The following IFT88 variants were observed in gnomAD, a reference collection of about 807,000 sequenced individuals.
IFT88 encodes the protein intraflagellar transport protein 88 homolog.
Under a neutral mutation model 119.5 loss-of-function variants are expected in IFT88, and 74 were observed. The observed-to-expected ratio is 0.62, with a 90% CI of 0.51 to 0.75. The LOEUF is 0.75. IFT88 is among the 30% of genes least tolerant of loss of function. The pLI is 0.00. For synonymous variants in IFT88, 279 were observed against 316.7 expected, an observed-to-expected ratio of 0.88 and a Z score of 1.26; for missense variants, 961 against 977.7, an observed-to-expected ratio of 0.98 and a Z score of 0.23.
At position 20,649,828 on chromosome 13, in the gene IFT88, G is replaced by A. The variant is rs561327046; in HGVS notation, c.1950-4048G>A. On this transcript the variant is annotated intron_variant, in intron 20 of 25. Coordinates refer to ENST00000351808, the MANE Select transcript of IFT88 (RefSeq NM_006531.5). ...GTAGAGGCCTCACTACCAATTTTAC[G>A]TAAATAAAAAGTTATAAGAAAACAA... Among the ~76,000 whole-genome samples the A allele has an allele frequency of 1.2e-4, 18 of 152,102 alleles. No individual in the cohort carries two copies. The South Asian group carries it at 3.3e-3, about 28-fold the overall frequency.
intron 24 of IFT88, among the ~76,000 whole-genome samples, chr13:20,677,527 A>T (rs141997636): frequency 9.1e-4 from 139 of 152,338 alleles, no homozygotes; most frequent in African/African-American, 2.9e-3. Flanking sequence ...GGAGCAAAGG[A>T]AGATCAGCTT....
At chr13:20,625,368 C>T (rs1229806740) in intron 14 of IFT88, among the ~76,000 whole-genome samples, 1 of 152,040 alleles carries the variant, frequency 6.6e-6, no homozygotes, top group Non-Finnish European at 1.5e-5. Context: ...TAAGTTGGGA[C>T]ACAAAAAATT....
chr13:20,623,742 TG>T (rs1485109175), intron 14 of IFT88, among the ~76,000 whole-genome samples: 4 of 152,258 alleles, frequency 2.6e-5, no homozygotes, highest in Admixed American at 1.3e-4. Context: ...CCCAAAGTGC[TG>T]GGATTACAGG....
Position 20,582,809 on chromosome 13 carries a change from T to A in IFT88, c.91-148T>A, listed in dbSNP as rs565450048. 6.4e-4 allele frequency: 373 copies of A among 579,998 alleles called. 7 individuals carry two copies. In the South Asian group the frequency reaches 8.4e-3, roughly 13 times the overall value. The allele number at this position is 579,998 out of a possible 1,614,324, so 35.9% of individuals were successfully genotyped here. The stretch of plus-strand genomic sequence containing the variant: ...GTTTGCTATTCTGGGTAGTGTGAAG[T>A]GGGGAGATTTGAGGTAGGAGTCCTA... On this transcript the variant is annotated intron_variant, in intron 2 of 25. Transcript: ENST00000351808.
intron 22 of IFT88, among the ~76,000 whole-genome samples, chr13:20,662,273 A>G (rs974103035): frequency 1.3e-5 from 2 of 151,988 alleles, no homozygotes; most frequent in Non-Finnish European, 2.9e-5. Context: ...AGAAAGGAAT[A>G]GCATCAACAT....
At chr13:20,674,281 G>A (rs886819405) in intron 24 of IFT88, among the ~76,000 whole-genome samples, 25 of 152,158 alleles carry the variant, frequency 1.6e-4, no homozygotes, top group African/African-American at 5.8e-4. Flanking sequence ...AAACTGATGA[G>A]GGGAATAACT....
chr13:20,607,984 T>A (rs2043805180), intron 13 of IFT88: 4 of 598,474 alleles, frequency 6.7e-6, no homozygotes, highest in South Asian at 6.3e-5. Context: ...GGCACCACAG[T>A]GGACCTGAGC....
chr13:20,603,740 T>C (rs1404282927), intron 12 of IFT88, among the ~76,000 whole-genome samples: 1 of 151,782 alleles, frequency 6.6e-6, no homozygotes, highest in Non-Finnish European at 1.5e-5. Flanking sequence ...TACAAAAAAA[T>C]ACGAAAATTA....
intron 22 of IFT88, among the ~76,000 whole-genome samples, chr13:20,660,735 A>C (rs1404815275): frequency 6.6e-6 from 1 of 152,174 alleles, no homozygotes; most frequent in Non-Finnish European, 1.5e-5. Flanking sequence ...AGCTGGAAGG[A>C]TGCCATCCAC....
At chr13:20,654,074 A>G (rs1047316319) in intron 21 of IFT88, 146 bp downstream of exon 21, 3 of 428,620 alleles carry the variant, frequency 7.0e-6, no homozygotes, top group Admixed American at 8.4e-5. Flanking sequence ...ATTGTATGAA[A>G]AACACAATAA....
intron 11 of IFT88, among the ~76,000 whole-genome samples, chr13:20,600,477 A>G (rs961875583): frequency 6.6e-6 from 1 of 152,152 alleles, no homozygotes; most frequent in Non-Finnish European, 1.5e-5. Flanking sequence ...AACACCTGAG[A>G]CCAGTCAGGG....
At chr13:20,599,840 T>A (rs1463268521) in intron 11 of IFT88, among the ~76,000 whole-genome samples, 1 of 152,098 alleles carries the variant, frequency 6.6e-6, no homozygotes, top group Non-Finnish European at 1.5e-5. Flanking sequence ...TGATATAACT[T>A]AATGCGGACA....
At position 20,656,620 on chromosome 13, in the gene IFT88, T is replaced by C. The variant is rs542700192; in HGVS notation, c.2068+190T>C. On this transcript the variant is annotated intron_variant, in intron 22 of 25. Transcript: ENST00000351808. Reference sequence around the variant, plus strand: ...GTACATATTTTTATGTAACTAATTGTTGATGGATTTAAATATACCACAGAA... The same window carrying C: ...GTACATATTTTTATGTAACTAATTGCTGATGGATTTAAATATACCACAGAA... 3.3e-5 allele frequency among the ~76,000 whole-genome samples: 5 copies of C among 152,298 alleles called. No homozygotes were observed. The South Asian group carries it at 1.0e-3, about 32-fold the overall frequency.
Position 20,574,451 on chromosome 13 carries a change from C to T in IFT88, c.66C>T (p.Asp22=), listed in dbSNP as rs1305204436. Residue 22 remains aspartate, a synonymous_variant, in exon 2 of 26, where the codon GAC becomes GAT. Coordinates refer to ENST00000351808, the MANE Select transcript of IFT88 (RefSeq NM_006531.5). ...DEDDLYSGYN[D]YNPIYDIEEL... ...ATGATCTTTATTCCGGCTATAATGA[C>T]TACAATCCAATCTATGATATCGAGG... The T allele has an allele frequency of 1.9e-6, 3 of 1,605,338 alleles. No individual in the cohort carries two copies. The highest frequency in any genetic ancestry group is 2.6e-6 in the Non-Finnish European group (3 of 1,173,098).
chr13:20,597,505 G>A (rs528966146), intron 9 of IFT88, among the ~76,000 whole-genome samples: 364 of 152,164 alleles, frequency 2.4e-3, no homozygotes, highest in South Asian at 4.1e-3. Flanking sequence ...AGCACTTTGG[G>A]AGGCCGAGGC....
intron 2 of IFT88, among the ~76,000 whole-genome samples, chr13:20,580,308 C>T (rs1043097999): frequency 2.6e-5 from 4 of 152,042 alleles, no homozygotes; most frequent in South Asian, 2.1e-4. Context: ...ATCTGAGGTC[C>T]GGAGTTCAAG....
chr13:20,609,958 C>CT (rs1407895671), intron 13 of IFT88, among the ~76,000 whole-genome samples: 1 of 152,068 alleles, frequency 6.6e-6, no homozygotes, highest in African/African-American at 2.4e-5. Flanking sequence ...TTGGTGATGA[C>CT]TGCCATCTTT....
chr13:20,667,811 C>A (rs537838266), intron 23 of IFT88, among the ~76,000 whole-genome samples: 98 of 152,228 alleles, frequency 6.4e-4, no homozygotes, highest in Middle Eastern at 6.8e-3. Context: ...TGGCCCCACA[C>A]ATTCTGGATC....
At chr13:20,674,791 G>A (rs2141053472) in intron 24 of IFT88, among the ~76,000 whole-genome samples, 1 of 131,096 alleles carries the variant, frequency 7.6e-6, no homozygotes, top group South Asian at 2.4e-4. Flanking sequence ...TCTGCTCACT[G>A]CAAGCTCCAC....
Sources: allele counts gnomAD v4.1 joint callset (sites outside exome capture counted in the v4.1 genomes callset), GRCh38; gene constraint gnomAD v4.1.1; transcripts MANE v1.5; gene names NCBI Gene and HGNC (gene_info 2026-07-23, HGNC 2026-07-21).